EPS15L1: variants seen among roughly 807,000 people sequenced by gnomAD.
The protein encoded by EPS15L1 is epidermal growth factor receptor substrate 15-like 1.
A neutral mutation model predicts 117.1 loss-of-function variants in EPS15L1; 43 were observed. The observed-to-expected ratio is 0.37, with a 90% confidence interval of 0.29 to 0.47. The LOEUF is 0.47. Ranked by LOEUF, EPS15L1 falls within the 20% of genes least tolerant of loss-of-function variation. EPS15L1 has a pLI of 0.99. For synonymous variants in EPS15L1, 459 were observed against 470.5 expected, an observed-to-expected ratio of 0.98 and a Z score of 0.32; for missense variants, 981 against 1,164.0, an observed-to-expected ratio of 0.84 and a Z score of 2.29.
At chr19:16,462,425 C>T (rs993404870) in intron 1 of EPS15L1, among the ~76,000 whole-genome samples, 2 of 152,062 alleles carry the variant, frequency 1.3e-5, no homozygotes, top group African/African-American at 4.8e-5. Context: ...CTTTGGGGGG[C>T]CAAGGTGGGT....
chr19:16,424,853 G>A (rs2092853558), intron 9 of EPS15L1, among the ~76,000 whole-genome samples: 1 of 151,922 alleles, frequency 6.6e-6, no homozygotes, highest in South Asian at 2.1e-4. Flanking sequence ...AGTAGAGACG[G>A]GGTTTCACCA....
At chr19:16,395,095 T>C (rs1286815867) in intron 17 of EPS15L1, among the ~76,000 whole-genome samples, 1 of 150,252 alleles carries the variant, frequency 6.7e-6, no homozygotes, top group African/African-American at 2.5e-5. Flanking sequence ...TGATGGGCGC[T>C]GAGGCAGGAG....
intron 21 of EPS15L1, among the ~76,000 whole-genome samples, chr19:16,380,350 A>T (rs927976988): frequency 1.3e-5 from 2 of 152,196 alleles, no homozygotes; most frequent in African/African-American, 4.8e-5. Context: ...TTAAGGCTCT[A>T]GCGTCTAGTC....
intron 1 of EPS15L1, among the ~76,000 whole-genome samples, chr19:16,447,322 G>A (rs1203902272): frequency 6.6e-6 from 1 of 152,176 alleles, no homozygotes; most frequent in Non-Finnish European, 1.5e-5. Context: ...CCAAGAGAAG[G>A]AGAAGACTTG....
chr19:16,407,690 T>G (rs1357986128), intron 13 of EPS15L1, among the ~76,000 whole-genome samples: 2 of 152,342 alleles, frequency 1.3e-5, no homozygotes, highest in South Asian at 4.1e-4. Flanking sequence ...AAAGCTGAAA[T>G]ACACAATTGT....
rs1476001813 is a variant in EPS15L1, at chr19:16,434,354, G to A, written c.498+11C>T. On this transcript the variant is annotated intron_variant, in intron 7 of 23. Coordinates refer to ENST00000455140, the MANE Select transcript of EPS15L1 (RefSeq NM_001258374.3). Reference sequence around the variant, plus strand: ...CTGAGTGCAGAAGAACCAAGCCCGTGGCCCACTTACCCTGCCCAGGACATC... The same window carrying A: ...CTGAGTGCAGAAGAACCAAGCCCGTAGCCCACTTACCCTGCCCAGGACATC... 1 of 1,612,804 alleles carries A rather than the reference G, an allele frequency of 6.2e-7. No homozygotes were observed. The highest frequency in any genetic ancestry group is 8.5e-7 in the Non-Finnish European group (1 of 1,179,560).
At chr19:16,449,713 T>C (rs2093121280) in intron 1 of EPS15L1, among the ~76,000 whole-genome samples, 1 of 152,206 alleles carries the variant, frequency 6.6e-6, no homozygotes, top group Admixed American at 6.5e-5. Flanking sequence ...TGGCCACAGC[T>C]TTATATGTCA....
At chr19:16,451,268 CAAGT>C (rs1450870439) in intron 1 of EPS15L1, among the ~76,000 whole-genome samples, 1 of 152,060 alleles carries the variant, frequency 6.6e-6, no homozygotes, top group Non-Finnish European at 1.5e-5. Context: ...CCAACAACTG[CAAGT>C]GAGTCTACCA....
rs1033583631 is a variant in EPS15L1 at position 16,458,655 on chromosome 19, G to C, written c.33+13258C>G. The stretch of plus-strand genomic sequence containing the variant: ...GTGCTCCCTGGCCATCTCCTACCTT[G>C]CCGGGCTGATTTCACTCCACACACA... On this transcript the variant is annotated intron_variant, in intron 1 of 23. Coordinates refer to ENST00000455140, the MANE Select transcript of EPS15L1 (RefSeq NM_001258374.3). Among the ~76,000 whole-genome samples, 6 of 151,890 alleles carry C rather than the reference G, an allele frequency of 4.0e-5. No homozygotes were observed. In the East Asian group the frequency reaches 1.2e-3, roughly 29 times the overall value.
At chr19:16,394,128 G>C (rs1358781239) in intron 17 of EPS15L1, 127 bp from the exon 18 acceptor site, 5 of 813,864 alleles carry the variant, frequency 6.1e-6, no homozygotes, top group Admixed American at 5.8e-5. Context: ...GGGAGAGAAT[G>C]TTAGTTCCTT....
At chr19:16,412,850 G>C in intron 13 of EPS15L1, 1 of 548,746 alleles carries the variant, frequency 1.8e-6, no homozygotes, top group Non-Finnish European at 3.5e-6. Flanking sequence ...GGAGCTTGCA[G>C]AGGCAAGGCC....
chr19:16,453,495 T>C (rs929341054), intron 1 of EPS15L1, among the ~76,000 whole-genome samples: 1 of 152,046 alleles, frequency 6.6e-6, no homozygotes, highest in Non-Finnish European at 1.5e-5. Context: ...GGGCGGATCA[T>C]GAGGTCAGGA....
chr19:16,398,469 A>G (rs1176891922), intron 16 of EPS15L1, among the ~76,000 whole-genome samples: 1 of 152,152 alleles, frequency 6.6e-6, no homozygotes, highest in Admixed American at 6.5e-5. Flanking sequence ...GGGGTCTCGG[A>G]TGCAGATAAA....
chr19:16,410,766 A>C (rs1322620393), intron 13 of EPS15L1, among the ~76,000 whole-genome samples: 1 of 152,098 alleles, frequency 6.6e-6, no homozygotes, highest in East Asian at 1.9e-4. Flanking sequence ...ATTAAAAATT[A>C]GCCAAGCATG....
chr19:16,372,449 A>C (rs1374958975), intron 22 of EPS15L1, among the ~76,000 whole-genome samples: 1 of 152,216 alleles, frequency 6.6e-6, no homozygotes, highest in East Asian at 1.9e-4. Flanking sequence ...CTCAGACCCA[A>C]ACTCACATTT....
chr19:16,451,370 G>A (rs1350291049), intron 1 of EPS15L1, among the ~76,000 whole-genome samples: 1 of 152,106 alleles, frequency 6.6e-6, no homozygotes, highest in African/African-American at 2.4e-5. Context: ...AGACAATCAG[G>A]GAAATGTGAA....
chr19:16,365,509 T>C lies in EPS15L1; in HGVS notation c.2381-3525A>G, dbSNP rs1478596182. On this transcript the variant is annotated intron_variant, in intron 22 of 23. Transcript: ENST00000455140. This position sits in a 1 kb window ranked among gnomAD's most constrained non-coding sequence, Gnocchi z 4.9. ...ATCTTGGACTTTGAGCCTCTAGAACTGCGGGACAATCCATGTCTGCTGTTT... is the reference window on the plus strand; with the variant it reads ...ATCTTGGACTTTGAGCCTCTAGAACCGCGGGACAATCCATGTCTGCTGTTT... Among the ~76,000 whole-genome samples, 16 of 152,174 alleles carry C rather than the reference T, an allele frequency of 1.1e-4. No individual in the cohort carries two copies. Among genetic ancestry groups the C allele is most frequent in the Admixed American group, 1.0e-3 (16 of 15,274 alleles).
chr19:16,382,169 T>A (rs2092370427), intron 21 of EPS15L1, among the ~76,000 whole-genome samples: 1 of 152,124 alleles, frequency 6.6e-6, no homozygotes, highest in Admixed American at 6.5e-5. Context: ...CGAGGCCAAT[T>A]GGCAACTCGC....
chr19:16,392,247 C>T, intron 19 of EPS15L1, 57 bp downstream of exon 19: 1 of 1,606,488 alleles, frequency 6.2e-7, no homozygotes, highest in Non-Finnish European at 8.5e-7. Context: ...GGAAGCGCCA[C>T]CCTTACCACA....
Sources: allele counts gnomAD v4.1 joint callset (sites outside exome capture counted in the v4.1 genomes callset), GRCh38; gene constraint gnomAD v4.1.1; non-coding constraint Gnocchi (gnomAD v3.1); transcripts MANE v1.5; gene names NCBI Gene and HGNC (gene_info 2026-07-23, HGNC 2026-07-21).